Variants in TNS1 observed in about 807,000 individuals in gnomAD.
TNS1 encodes the protein tensin-1.
A neutral mutation model predicts 168.6 loss-of-function variants in TNS1; 62 were observed. That is an observed-to-expected ratio of 0.37 (90% CI 0.30 to 0.45). The LOEUF (loss-of-function observed/expected upper bound fraction) is 0.45. Among genes scored for constraint, TNS1 ranks in the 20% least tolerant of loss-of-function variants. TNS1 has a pLI of 1.00. For missense variants in TNS1, 2,240 were observed against 2,339.4 expected, an observed-to-expected ratio of 0.96 and a Z score of 0.88; for synonymous variants, 934 against 933.2, an observed-to-expected ratio of 1.00 and a Z score of -0.02.
At chr2:217,991,283 G>A (rs1279098687) in intron 1 of TNS1, among the ~76,000 whole-genome samples, 1 of 151,730 alleles carries the variant, frequency 6.6e-6, no homozygotes, top group East Asian at 1.9e-4. Context: ...ACGGCAGCTG[G>A]AGAGTCCAGC....
At chr2:217,882,828 C>T (rs1161571418) in intron 16 of TNS1, among the ~76,000 whole-genome samples, 1 of 152,124 alleles carries the variant, frequency 6.6e-6, no homozygotes, top group Non-Finnish European at 1.5e-5. Flanking sequence ...CAGAATCTTG[C>T]TCTGTCACCC....
chr2:217,846,802 C>T (rs1946709669), intron 19 of TNS1, among the ~76,000 whole-genome samples: 1 of 152,212 alleles, frequency 6.6e-6, no homozygotes, highest in Non-Finnish European at 1.5e-5. Context: ...GAAGCCCACT[C>T]TCTGATAGGA....
chr2:217,836,525 G>A (rs760044872), intron 19 of TNS1, among the ~76,000 whole-genome samples: 16 of 152,138 alleles, frequency 1.1e-4, no homozygotes, highest in African/African-American at 3.4e-4. Flanking sequence ...CCCTGGAGGC[G>A]GAGGGCCAGA....
intron 1 of TNS1, among the ~76,000 whole-genome samples, chr2:218,031,379 T>TGTGTATGAATGTC (rs1224360981): frequency 6.6e-6 from 1 of 150,774 alleles, no homozygotes; most frequent in East Asian, 2.0e-4. Context: ...CATGTCTGTG[T>TGTGTATGAATGTC]GTGTATGAAT....
chr2:218,004,368 TCC>T (rs142664759), upstream of TNS1, among the ~76,000 whole-genome samples: 7 of 149,334 alleles, frequency 4.7e-5, no homozygotes, highest in East Asian at 1.4e-3. Flanking sequence ...ATCCCCTGCC[TCC>T]CCCCCCCACT....
chr2:217,835,178 C>T lies in TNS1; in HGVS notation c.3205-12G>A. On this transcript the variant is annotated splice_polypyrimidine_tract_variant and intron_variant, in intron 20 of 32. Coordinates refer to ENST00000682258, the MANE Select transcript of TNS1 (RefSeq NM_001387777.1). ...CTGTGCAAATGGGGCTGTGGGAGAA[C>T]ACAGGGGAGAAAAAGAGGGAAACCA... The T allele has an allele frequency of 6.2e-7, 1 of 1,601,866 alleles. No individual in the cohort carries two copies. The highest frequency in any genetic ancestry group is 8.5e-7 in the Non-Finnish European group (1 of 1,175,036).
intron 19 of TNS1, among the ~76,000 whole-genome samples, chr2:217,840,138 G>A (rs181970141): frequency 1.3e-5 from 2 of 152,360 alleles, no homozygotes; most frequent in East Asian, 3.9e-4. Flanking sequence ...GGAGGCACCA[G>A]ATAACTGACA....
intron 6 of TNS1, chr2:217,905,307 C>A (rs778661455): frequency 1.2e-5 from 5 of 405,852 alleles, no homozygotes; most frequent in Admixed American, 2.8e-5. Context: ...TTGAGCAGAA[C>A]CTTCCCCACT....
At chr2:217,950,813 G>T (rs965441537) in intron 3 of TNS1, among the ~76,000 whole-genome samples, 3 of 151,288 alleles carry the variant, frequency 2.0e-5, no homozygotes, top group Admixed American at 6.6e-5. Flanking sequence ...CTTCTGCGCA[G>T]CACCTTCCTT....
chr2:217,937,698 C>A (rs1008991484), intron 3 of TNS1, among the ~76,000 whole-genome samples: 3 of 152,256 alleles, frequency 2.0e-5, no homozygotes, highest in South Asian at 4.1e-4. Flanking sequence ...ACAGACCCCC[C>A]ACCCCTGCAC....
At chr2:217,992,021 C>A (rs111236435) in intron 1 of TNS1, among the ~76,000 whole-genome samples, 1 of 152,172 alleles carries the variant, frequency 6.6e-6, no homozygotes, top group South Asian at 2.1e-4. Flanking sequence ...TGGCACCACA[C>A]CCCTGGAGCT....
intron 19 of TNS1, among the ~76,000 whole-genome samples, chr2:217,838,999 T>C (rs1945552402): frequency 6.7e-6 from 1 of 149,652 alleles, no homozygotes; most frequent in African/African-American, 2.5e-5. Flanking sequence ...AGGGCCTCTG[T>C]CTCCTACACC....
rs1435563960 is a variant in TNS1 at position 217,800,883 on chromosome 2, G to C, written c.*3576C>G. 1 of 152,210 alleles carries C rather than the reference G, an allele frequency of 6.6e-6. No individual in the cohort carries two copies. Among genetic ancestry groups the C allele is most frequent in the Non-Finnish European group, 1.5e-5 (1 of 68,080 alleles). The allele number at this position is 152,210 out of a possible 1,614,324, so 9.4% of individuals were successfully genotyped here. On this transcript the variant is annotated 3_prime_UTR_variant, in exon 33 of 33. Transcript: ENST00000682258. ...GCCCCCTGGACAGCATGCTCCCCTG[G>C]AGCCCCTGCACAGGCTCATCAGAAC... is the stretch of plus-strand genomic sequence containing the variant.
At chr2:217,978,977 G>A in intron 2 of TNS1, 175 bp from the exon 3 acceptor site, 1 of 605,240 alleles carries the variant, frequency 1.7e-6, no homozygotes, top group South Asian at 1.9e-5. Flanking sequence ...GCGGCTGCCG[G>A]GCCTGCGGGG....
chr2:217,926,923 G>A (rs1444334155), intron 3 of TNS1, among the ~76,000 whole-genome samples: 1 of 152,226 alleles, frequency 6.6e-6, no homozygotes, highest in African/African-American at 2.4e-5. Flanking sequence ...AGTGGGACAG[G>A]GCCCATGCTG....
intron 20 of TNS1, among the ~76,000 whole-genome samples, 163 bp downstream of exon 20, chr2:217,835,852 C>T (rs1290655914): frequency 6.6e-6 from 1 of 152,090 alleles, no homozygotes; most frequent in Non-Finnish European, 1.5e-5. Flanking sequence ...ATTTAATGGG[C>T]CCCAGACTCC....
intron 18 of TNS1, among the ~76,000 whole-genome samples, chr2:217,877,303 AG>A (rs1400727539): frequency 4.6e-5 from 7 of 152,204 alleles, no homozygotes; most frequent in Non-Finnish European, 1.0e-4. Context: ...AGCCACCTGA[AG>A]GATTATGGGT....
chr2:217,892,807 C>T, intron 11 of TNS1, 141 bp downstream of exon 11: 1 of 899,750 alleles, frequency 1.1e-6, no homozygotes, highest in Non-Finnish European at 1.6e-6. Flanking sequence ...GAGCCAGGGG[C>T]CCCTTCCCCC....
intron 22 of TNS1, among the ~76,000 whole-genome samples, chr2:217,828,536 C>T (rs1411697897): frequency 1.3e-5 from 2 of 152,182 alleles, no homozygotes; most frequent in Admixed American, 6.5e-5. Flanking sequence ...GGGGGGGATG[C>T]CAGTGCCCAG....
Sources: allele counts gnomAD v4.1 joint callset (sites outside exome capture counted in the v4.1 genomes callset), GRCh38; gene constraint gnomAD v4.1.1; transcripts MANE v1.5; gene names NCBI Gene and HGNC (gene_info 2026-07-23, HGNC 2026-07-21).